ZC3H4: variants seen among roughly 807,000 people sequenced by gnomAD.
ZC3H4 encodes zinc finger CCCH-type containing 4, also known as zinc finger CCCH domain-containing protein 4.
A neutral mutation model predicts 108.3 loss-of-function variants in ZC3H4; 13 were observed. The observed-to-expected ratio is 0.12, with a 90% CI of 0.08 to 0.19. ZC3H4 has a LOEUF of 0.19. ZC3H4 is among the 10% of genes least tolerant of loss of function. The pLI is 1.00. For synonymous variants in ZC3H4, 917 were observed against 749.6 expected (o/e 1.22, Z -3.65); for missense variants, 1,734 against 1,838.8 (o/e 0.94, Z 1.04).
At chr19:47,099,390 C>T (rs1279537529) in intron 2 of ZC3H4, among the ~76,000 whole-genome samples, 1 of 150,786 alleles carries the variant, frequency 6.6e-6, no homozygotes, top group Non-Finnish European at 1.5e-5. Flanking sequence ...ACCTGGGAGG[C>T]GGAGGTTGCA....
At chr19:47,112,177 C>CAGAGCG (rs1169954944) in intron 2 of ZC3H4, 18 of 1,181,384 alleles carry the variant, frequency 1.5e-5, no homozygotes, top group Non-Finnish European at 1.9e-5. Context: ...CCAAAAAAGA[C>CAGAGCG]AGAGCGAGAG....
At chr19:47,084,502 T>C in intron 8 of ZC3H4, 47 bp from the exon 9 acceptor site, 3 of 1,594,654 alleles carry the variant, frequency 1.9e-6, no homozygotes, top group East Asian at 2.2e-5. Context: ...AAGGGAAGGG[T>C]AGAGATGGGA....
chr19:47,081,796 C>A (rs1009284096), intron 10 of ZC3H4, among the ~76,000 whole-genome samples, 174 bp from the exon 11 acceptor site: 3 of 152,074 alleles, frequency 2.0e-5, no homozygotes, highest in Admixed American at 6.6e-5. Context: ...CACGGAGAGA[C>A]CCCGGCACTC....
In ZC3H4 at chr19:47,094,570, T is replaced by A; in HGVS notation, c.200A>T (p.Asp67Val). The A allele has an allele frequency of 6.2e-7, 1 of 1,614,164 alleles. No homozygotes were observed. Among genetic ancestry groups the A allele is most frequent in the South Asian group, 1.1e-5 (1 of 91,086 alleles). Residue 67 changes from aspartate to valine, a missense_variant, in exon 3 of 15, where the codon GAT becomes GTT. Around this residue, in one of 9 missense-constraint regions of ZC3H4, gnomAD observed 4 missense variants for 17.6 expected, o/e 0.23. Coordinates refer to ENST00000253048, the MANE Select transcript of ZC3H4 (RefSeq NM_015168.2). ...GGTATCCTGGGTCTCCTCTGCCCCATCATCTTCCAATTCACCTTCTTCCAA... is the reference window on the plus strand; with the variant it reads ...GGTATCCTGGGTCTCCTCTGCCCCAACATCTTCCAATTCACCTTCTTCCAA... ...GELEEGELEDDGAEETQDTSG... is the reference protein window; with the variant it reads ...GELEEGELEDVGAEETQDTSG...
intron 14 of ZC3H4, among the ~76,000 whole-genome samples, chr19:47,068,396 G>A (rs111294057): frequency 9.2e-5 from 14 of 152,324 alleles, no homozygotes; most frequent in African/African-American, 1.7e-4. Flanking sequence ...ACCCCAAACC[G>A]GCTCGTGATG....
Position 47,112,600 on chromosome 19 carries a change from G to C in ZC3H4, c.-5-11C>G. ...CGGCCTCCATAGTTCCTTTGGGGGG[G>C]AGGGGATGTTAATGCACGAAAAAGG... is the stretch of plus-strand genomic sequence containing the variant. On this transcript the variant is annotated splice_polypyrimidine_tract_variant and intron_variant, in intron 1 of 14. Coordinates refer to ENST00000253048, the MANE Select transcript of ZC3H4 (RefSeq NM_015168.2). 8.3e-7 allele frequency: 1 copy of C among 1,207,490 alleles called. No individual in the cohort carries two copies. Among genetic ancestry groups the C allele is most frequent in the African/African-American group, 1.6e-5 (1 of 64,116 alleles). 74.8% of individuals were successfully genotyped at this position (1,207,490 alleles called of 1,614,324 possible). A position where few individuals can be genotyped will look rare whatever the true frequency, so the allele number is the denominator to read the frequency against.
intron 11 of ZC3H4, among the ~76,000 whole-genome samples, chr19:47,079,044 T>C (rs1230014972): frequency 2.0e-5 from 3 of 150,730 alleles, no homozygotes; most frequent in Non-Finnish European, 3.0e-5. Context: ...TTTTTTTTTT[T>C]TTGAGACAGA....
At chr19:47,078,017 G>A (rs2057453671) in intron 11 of ZC3H4, among the ~76,000 whole-genome samples, 1 of 152,076 alleles carries the variant, frequency 6.6e-6, no homozygotes, top group Non-Finnish European at 1.5e-5. Flanking sequence ...ACGGACTCAA[G>A]TACCATTATA....
At position 47,072,866 on chromosome 19, in the gene ZC3H4, A is replaced by T. The variant is rs1025039490; in HGVS notation, c.1441-153T>A. 4.6e-5 allele frequency among the ~76,000 whole-genome samples: 7 copies of T among 152,236 alleles called. No homozygotes were observed. Among genetic ancestry groups the T allele is most frequent in the African/African-American group, 1.7e-4 (7 of 41,552 alleles). Reference sequence around the variant, plus strand: ...AAGACCACAATGGCTCTGTAACAAAAATCATCATCAGCCACCTCTCTGCTC... The same window carrying T: ...AAGACCACAATGGCTCTGTAACAAATATCATCATCAGCCACCTCTCTGCTC... On this transcript the variant is annotated intron_variant, in intron 11 of 14. Coordinates refer to ENST00000253048, the MANE Select transcript of ZC3H4 (RefSeq NM_015168.2). The surrounding 1 kb of genome is among the most constrained non-coding windows in gnomAD (Gnocchi z 5.6).
Position 47,071,806 on chromosome 19 carries a change from C to G in ZC3H4, c.2118G>C (p.Glu706Asp). 1 of 1,613,082 alleles carries G rather than the reference C, an allele frequency of 6.2e-7. No individual in the cohort carries two copies. Among genetic ancestry groups the G allele is most frequent in the Non-Finnish European group, 8.5e-7 (1 of 1,179,736 alleles). The change falls in exon 13 of 15, where the codon GAG becomes GAC. Residue 706 changes from glutamate to aspartate, a missense_variant. Transcript: ENST00000253048. ...ENFYQQQEGM[E>D]MEPGLLGDAE... ...CATCCCCCAGGAGTCCGGGCTCCAT[C>G]TCCATGCCCTCCTGCTGCTGGTAGA...
intron 13 of ZC3H4, 105 bp from the exon 14 acceptor site, chr19:47,069,448 G>A (rs1050711728): frequency 1.4e-6 from 2 of 1,424,458 alleles, no homozygotes; most frequent in Non-Finnish European, 1.9e-6. Context: ...CGATGGAGAA[G>A]GACGCACAGC....
intron 2 of ZC3H4, among the ~76,000 whole-genome samples, chr19:47,105,569 A>G (rs2057958163): frequency 6.6e-6 from 1 of 152,190 alleles, no homozygotes; most frequent in Non-Finnish European, 1.5e-5. Context: ...ACCGCACTCC[A>G]GCCTGGGTGA....
Position 47,072,742 on chromosome 19 carries a change from G to T in ZC3H4, c.1441-29C>A. ...CGGGTGTGAAAGAACAAAAGAAGGT[G>T]TGGACGGGGTCAGGATGGAAACGGA... On this transcript the variant is annotated intron_variant, in intron 11 of 14. Coordinates refer to ENST00000253048, the MANE Select transcript of ZC3H4 (RefSeq NM_015168.2). The surrounding 1 kb of genome is among the most constrained non-coding windows in gnomAD (Gnocchi z 5.6). 6.2e-7 allele frequency: 1 copy of T among 1,611,282 alleles called. No homozygotes were observed.
At chr19:47,100,132 A>T (rs2057883893) in intron 2 of ZC3H4, among the ~76,000 whole-genome samples, 1 of 152,204 alleles carries the variant, frequency 6.6e-6, no homozygotes, top group Non-Finnish European at 1.5e-5. Context: ...GTCGTTTATT[A>T]GGATTGAAGG....
At chr19:47,105,750 T>C (rs2057960722) in intron 2 of ZC3H4, among the ~76,000 whole-genome samples, 1 of 152,236 alleles carries the variant, frequency 6.6e-6, no homozygotes, top group Non-Finnish European at 1.5e-5. Flanking sequence ...TTCTTTGCAT[T>C]TCTCCCAAAC....
chr19:47,067,549 A>C lies in ZC3H4; in HGVS notation c.2719T>G (p.Ser907Ala). 4 of 1,600,950 alleles carry C rather than the reference A, an allele frequency of 2.5e-6. No homozygotes were observed. The highest frequency in any genetic ancestry group is 1.7e-4 in the Middle Eastern group (1 of 5,992). Reference sequence around the variant, plus strand: ...GAACTGCTGGGGCCCACAGGGCTGGAATGAAGGCTGCCTTCGGGCTTGGAG... The same window carrying C: ...GAACTGCTGGGGCCCACAGGGCTGGCATGAAGGCTGCCTTCGGGCTTGGAG... Reference protein sequence around the residue: ...PTSKPEGSLHSSPVGPSSSKG... With the variant: ...PTSKPEGSLHASPVGPSSSKG... Residue 907 changes from serine (S) to alanine (A), a missense_variant, in exon 15 of 15, where the codon TCC (serine) becomes GCC (alanine). Ser to Ala is a moderately conservative substitution (Grantham distance 99, BLOSUM62 1). This residue lies in a region of ZC3H4 where 540 missense variants were observed against 484.1 expected (regional missense o/e 1.12). Coordinates refer to ENST00000253048, the MANE Select transcript of ZC3H4 (RefSeq NM_015168.2). This position sits in a 1 kb window ranked among gnomAD's most constrained non-coding sequence, Gnocchi z 6.4.
intron 10 of ZC3H4, among the ~76,000 whole-genome samples, chr19:47,081,983 A>G (rs6509311): frequency 0.58 from 87,730 of 151,948 alleles, 27,083 homozygotes; most frequent in Non-Finnish European, 0.71. Flanking sequence ...CTCCATGTGC[A>G]TCTCAGTTTA....
At position 47,066,184 on chromosome 19, in the gene ZC3H4, C is replaced by G. The variant is rs1332414965; in HGVS notation, c.*172G>C. 5 of 556,710 alleles carry G rather than the reference C, an allele frequency of 9.0e-6. No homozygotes were observed. Among genetic ancestry groups the G allele is most frequent in the Non-Finnish European group, 1.5e-5 (5 of 335,932 alleles). The allele number at this position is 556,710 out of a possible 1,614,324, so 34.5% of individuals were successfully genotyped here. On this transcript the variant is annotated 3_prime_UTR_variant, in exon 15 of 15. Transcript: ENST00000253048. ...AGATGGTTATATACAATTTACAAAT[C>G]TCAAAGAAAGTACTACTTTAAAAAA...
intron 5 of ZC3H4, among the ~76,000 whole-genome samples, chr19:47,089,374 C>T (rs2057690991): frequency 6.6e-6 from 1 of 151,934 alleles, no homozygotes; most frequent in African/African-American, 2.4e-5. Flanking sequence ...TTTTTGGTTG[C>T]TGTTGTTGGT....
Sources: gnomAD v4.1 joint callset for allele counts (sites outside exome capture counted in the v4.1 genomes callset) on GRCh38, gnomAD v4.1.1 for gene constraint, gnomAD v4.1.1 regional missense constraint, Gnocchi (gnomAD v3.1) non-coding constraint, MANE v1.5 for transcripts, NCBI Gene and HGNC (gene_info 2026-07-23, HGNC 2026-07-21) for gene names.